The following CSMD1 variants were observed in gnomAD, a reference collection of about 807,000 sequenced individuals.
CSMD1 encodes CUB and Sushi multiple domains 1.
CSMD1 carries 213 observed loss-of-function variants against 417.5 expected under a neutral mutation model. That is an observed-to-expected ratio of 0.51 (90% CI 0.46 to 0.57). The LOEUF is 0.57. Among genes scored for constraint, CSMD1 ranks in the 20% least tolerant of loss-of-function variants. The pLI is 0.00. For missense variants in CSMD1, 6,923 were observed against 4,529.7 expected, an observed-to-expected ratio of 1.53 and a Z score of -15.17; for synonymous variants, 2,862 against 1,736.8, an observed-to-expected ratio of 1.65 and a Z score of -16.11.
chr8:4,035,611 A>T (rs1797575926), intron 3 of CSMD1, among the ~76,000 whole-genome samples: 1 of 152,222 alleles, frequency 6.6e-6, no homozygotes, highest in Non-Finnish European at 1.5e-5. Context: ...ATACAGTTTA[A>T]AAAGTAAGAA....
intron 26 of CSMD1, among the ~76,000 whole-genome samples, chr8:3,260,650 C>A (rs935800415): frequency 6.6e-6 from 1 of 151,174 alleles, no homozygotes; most frequent in Non-Finnish European, 1.5e-5. Context: ...TTTGACAATC[C>A]CTTTCTTTAT....
intron 1 of CSMD1, among the ~76,000 whole-genome samples, chr8:4,974,008 T>C (rs2117394441): frequency 6.6e-6 from 1 of 152,226 alleles, no homozygotes; most frequent in Non-Finnish European, 1.5e-5. Flanking sequence ...GATTAGCCTC[T>C]CTGGAAATTA....
chr8:3,791,713 C>A (rs1174648103), intron 5 of CSMD1, among the ~76,000 whole-genome samples: 1 of 152,090 alleles, frequency 6.6e-6, no homozygotes, highest in Admixed American at 6.6e-5. Context: ...ATCCCAGCAA[C>A]TCAGGAGGCT....
In CSMD1 at chr8:3,471,962, G is replaced by A. The variant is rs367784364; in HGVS notation, c.1449-3138C>T. 2.6e-5 allele frequency among the ~76,000 whole-genome samples: 4 copies of A among 151,928 alleles called. No homozygotes were observed. The South Asian group carries it at 8.3e-4, about 32-fold the overall frequency. On this transcript the variant is annotated intron_variant, in intron 11 of 69. Transcript: ENST00000635120. ...GAGAGTGTTTTCCCTTCTCCCTTTG[G>A]GATTACAGGTGATGTCAGCACCCTA...
chr8:3,501,247 C>G (rs939613956), intron 10 of CSMD1, among the ~76,000 whole-genome samples: 1 of 152,058 alleles, frequency 6.6e-6, no homozygotes, highest in South Asian at 2.1e-4. Flanking sequence ...CACACATGCT[C>G]ACACACACAG....
intron 39 of CSMD1, among the ~76,000 whole-genome samples, chr8:3,156,255 C>T (rs1417729300): frequency 5.9e-5 from 9 of 152,178 alleles, no homozygotes; most frequent in Admixed American, 6.5e-5. Flanking sequence ...GTTCTGAGCA[C>T]ACCCCCAGCA....
intron 3 of CSMD1, among the ~76,000 whole-genome samples, chr8:4,222,133 G>C (rs980623939): frequency 2.1e-4 from 32 of 151,642 alleles, no homozygotes; most frequent in Admixed American, 5.9e-4. Context: ...GCAAGTAGAA[G>C]AGAACCTTCA....
intron 1 of CSMD1, among the ~76,000 whole-genome samples, chr8:4,891,696 C>T (rs144681865): frequency 6.6e-6 from 1 of 152,152 alleles, no homozygotes; most frequent in Non-Finnish European, 1.5e-5. Flanking sequence ...TATATTAATG[C>T]ATACAAAACC....
At chr8:4,883,373 A>G (rs1262567346) in intron 1 of CSMD1, among the ~76,000 whole-genome samples, 1 of 152,102 alleles carries the variant, frequency 6.6e-6, no homozygotes, top group East Asian at 1.9e-4. Flanking sequence ...CATTTTAAAT[A>G]ATACGTTTCA....
intron 4 of CSMD1, among the ~76,000 whole-genome samples, chr8:4,011,276 A>G (rs1816514370): frequency 6.6e-6 from 1 of 152,146 alleles, no homozygotes; most frequent in Non-Finnish European, 1.5e-5. Flanking sequence ...TTTCAAAACG[A>G]CTATTTGTGT....
At chr8:3,440,962 C>G (rs1454745104) in intron 12 of CSMD1, among the ~76,000 whole-genome samples, 1 of 152,086 alleles carries the variant, frequency 6.6e-6, no homozygotes, top group Non-Finnish European at 1.5e-5. Flanking sequence ...GAAAATGGGT[C>G]TTTGCAGATG....
chr8:4,103,155 C>T (rs537891065), intron 3 of CSMD1, among the ~76,000 whole-genome samples: 1 of 152,158 alleles, frequency 6.6e-6, no homozygotes, highest in South Asian at 2.1e-4. Context: ...GTAGCCACAA[C>T]TGTGAGCCAG....
chr8:4,799,055 C>T (rs1210120830), intron 1 of CSMD1, among the ~76,000 whole-genome samples: 2 of 152,278 alleles, frequency 1.3e-5, no homozygotes, highest in African/African-American at 4.8e-5. Context: ...CTGGTGAGGA[C>T]AGAGGTCAGG....
chr8:3,187,013 G>A (rs951664518), intron 36 of CSMD1, among the ~76,000 whole-genome samples: 6 of 152,142 alleles, frequency 3.9e-5, no homozygotes, highest in Non-Finnish European at 7.3e-5. Flanking sequence ...ATGTAATGCC[G>A]GGCTTACAGG....
At chr8:3,990,075 G>T (rs1043095168) in intron 5 of CSMD1, among the ~76,000 whole-genome samples, 1 of 152,180 alleles carries the variant, frequency 6.6e-6, no homozygotes, top group African/African-American at 2.4e-5. Context: ...AATGGAGTGG[G>T]CGCAATGGCC....
intron 5 of CSMD1, among the ~76,000 whole-genome samples, chr8:3,855,765 G>A (rs140322383): frequency 6.6e-6 from 1 of 152,172 alleles, no homozygotes; most frequent in African/African-American, 2.4e-5. Context: ...CCTAGAGTCT[G>A]CTGACTTTCT....
At chr8:4,773,067 G>C (rs1051620773) in intron 1 of CSMD1, among the ~76,000 whole-genome samples, 1 of 152,090 alleles carries the variant, frequency 6.6e-6, no homozygotes, top group Non-Finnish European at 1.5e-5. Flanking sequence ...GCCACCAGAA[G>C]TATTTCAGAT....
chr8:3,888,471 T>G (rs1481918079), intron 5 of CSMD1, among the ~76,000 whole-genome samples: 2 of 152,176 alleles, frequency 1.3e-5, no homozygotes, highest in Non-Finnish European at 2.9e-5. Context: ...AAGCGCCATT[T>G]AGGAGATGAT....
chr8:4,486,656 TG>T (rs1206970036), intron 2 of CSMD1, among the ~76,000 whole-genome samples: 4 of 152,058 alleles, frequency 2.6e-5, no homozygotes, highest in Admixed American at 2.6e-4. Flanking sequence ...TACATATAGA[TG>T]GGGAAACTGA....
Sources: gnomAD v4.1 joint callset for allele counts (sites outside exome capture counted in the v4.1 genomes callset) on GRCh38, gnomAD v4.1.1 for gene constraint, MANE v1.5 for transcripts, NCBI Gene and HGNC (gene_info 2026-07-23, HGNC 2026-07-21) for gene names.